Variants in KYNU observed in about 807,000 individuals in gnomAD.
The protein encoded by KYNU is L-kynurenine hydrolase.
In KYNU, 54 loss-of-function variants were observed where a neutral mutation model predicts 59.2. That is an observed-to-expected ratio of 0.91 (90% CI 0.73 to 1.14). The LOEUF is 1.14. Among genes scored for constraint, KYNU ranks in the 50% most tolerant of loss-of-function variants. The probability of loss-of-function intolerance (pLI) is 0.00; values close to 1 mark genes in which losing one functional copy is unlikely to be tolerated. For synonymous variants in KYNU, 177 were observed against 192.0 expected, an observed-to-expected ratio of 0.92 and a Z score of 0.65; for missense variants, 567 against 554.4, an observed-to-expected ratio of 1.02 and a Z score of -0.23.
At chr2:142,981,173 A>T (rs1295347043) in intron 8 of KYNU, among the ~76,000 whole-genome samples, 1 of 152,140 alleles carries the variant, frequency 6.6e-6, no homozygotes, top group African/African-American at 2.4e-5. Flanking sequence ...ATGTGGCCAG[A>T]AGGATTTTCA....
chr2:143,012,211 A>C (rs1686125967), intron 10 of KYNU, among the ~76,000 whole-genome samples: 2 of 152,104 alleles, frequency 1.3e-5, no homozygotes, highest in African/African-American at 4.8e-5. Flanking sequence ...ACCAGGCACG[A>C]TGACTCACGC....
At chr2:143,013,252 T>TTC (rs1169549563) in intron 10 of KYNU, among the ~76,000 whole-genome samples, 5 of 151,370 alleles carry the variant, frequency 3.3e-5, no homozygotes, top group Non-Finnish European at 7.4e-5. Context: ...TAAATAATAT[T>TTC]TCTCTCTCTC....
chr2:142,918,767 T>C (rs1184138086), intron 3 of KYNU, 38 bp downstream of exon 3: 3 of 1,581,612 alleles, frequency 1.9e-6, no homozygotes, highest in South Asian at 2.2e-5. Context: ...CTACATCTCA[T>C]ACAAAAATTT....
chr2:142,880,381 GCTTGT>G (rs1291385314), intron 1 of KYNU, among the ~76,000 whole-genome samples: 1 of 152,194 alleles, frequency 6.6e-6, no homozygotes, highest in Non-Finnish European at 1.5e-5. Flanking sequence ...TGCAAGATGG[GCTTGT>G]CTTGTCACCT....
intron 2 of KYNU, among the ~76,000 whole-genome samples, chr2:142,899,138 C>T (rs989227944): frequency 6.6e-6 from 1 of 151,984 alleles, no homozygotes; most frequent in Non-Finnish European, 1.5e-5. Context: ...CAGCTCAAGC[C>T]GTAACAAACA....
chr2:142,980,168 G>A (rs1467300956), intron 8 of KYNU, among the ~76,000 whole-genome samples: 2 of 149,702 alleles, frequency 1.3e-5, no homozygotes, highest in Non-Finnish European at 3.0e-5. Flanking sequence ...GCACTGGTGG[G>A]AGTGTCTTTT....
At chr2:143,032,711 T>TTTTGTGTGTGTGTGTGTG (rs1553491691) in intron 11 of KYNU, among the ~76,000 whole-genome samples, 2 of 129,370 alleles carry the variant, frequency 1.5e-5, no homozygotes, top group African/African-American at 5.8e-5. Context: ...GCTCCCTCTA[T>TTTTGTGTGTGTGTGTGTG]TGTGTGTGTG....
intron 8 of KYNU, among the ~76,000 whole-genome samples, chr2:142,968,068 T>C (rs1684603641): frequency 6.6e-6 from 1 of 152,220 alleles, no homozygotes; most frequent in Non-Finnish European, 1.5e-5. Flanking sequence ...CTATTGTCAC[T>C]GGCCATTCAC....
chr2:143,047,763 G>A lies in KYNU; in HGVS notation c.*5591G>A, dbSNP rs1687189853. ...TTTTGTAGATTCAGAGTCTTGCTAT[G>A]TTGCCCAGGCTAATCTCAAACTCCT... On this transcript the variant is annotated 3_prime_UTR_variant, in exon 14 of 14. Transcript: ENST00000264170. 6.7e-6 allele frequency: 1 copy of A among 149,256 alleles called. No individual in the cohort carries two copies. Among genetic ancestry groups the A allele is most frequent in the Admixed American group, 6.8e-5 (1 of 14,786 alleles). The allele number at this position is 149,256 out of a possible 1,614,324, so 9.2% of individuals were successfully genotyped here. A position where few individuals can be genotyped will look rare whatever the true frequency, so the allele number is the denominator to read the frequency against.
At chr2:142,906,255 C>G (rs1425232387) in intron 2 of KYNU, among the ~76,000 whole-genome samples, 1 of 152,140 alleles carries the variant, frequency 6.6e-6, no homozygotes, top group African/African-American at 2.4e-5. Context: ...TGTTGTAGAC[C>G]CAGTTCCAGA....
intron 8 of KYNU, among the ~76,000 whole-genome samples, chr2:142,972,285 T>A (rs10928160): frequency 0.11 from 17,266 of 152,170 alleles, 1,071 homozygotes; most frequent in East Asian, 0.21. Context: ...TTGCTTTTCC[T>A]TTCTTCCAAA....
intron 3 of KYNU, among the ~76,000 whole-genome samples, chr2:142,922,177 G>C (rs930170811): frequency 2.0e-5 from 3 of 152,164 alleles, no homozygotes; most frequent in Non-Finnish European, 2.9e-5. Flanking sequence ...ATTGAAAGTA[G>C]TTGCTTAGTT....
At chr2:142,913,317 T>C (rs1682562742) in intron 2 of KYNU, among the ~76,000 whole-genome samples, 1 of 152,224 alleles carries the variant, frequency 6.6e-6, no homozygotes, top group Admixed American at 6.5e-5. Context: ...CTTACTGATG[T>C]AGGTGCTTAG....
At chr2:142,980,296 T>G (rs1685014993) in intron 8 of KYNU, among the ~76,000 whole-genome samples, 1 of 147,334 alleles carries the variant, frequency 6.8e-6, no homozygotes, top group African/African-American at 2.5e-5. Context: ...AGGTCACTCT[T>G]GTCATCATCT....
intron 10 of KYNU, among the ~76,000 whole-genome samples, chr2:143,023,057 T>C (rs1158669394): frequency 6.6e-6 from 1 of 151,940 alleles, no homozygotes; most frequent in Non-Finnish European, 1.5e-5. Flanking sequence ...AGTCTTATTA[T>C]TGATTTATTT....
chr2:142,929,462 A>G (rs1683144131), intron 4 of KYNU, among the ~76,000 whole-genome samples: 1 of 152,124 alleles, frequency 6.6e-6, no homozygotes, highest in African/African-American at 2.4e-5. Context: ...TGACCATGAA[A>G]AGAGCCAAAT....
In KYNU at chr2:143,049,673, A is replaced by G. The variant is rs763179104; in HGVS notation, c.*7501A>G. On this transcript the variant is annotated 3_prime_UTR_variant, in exon 14 of 14. Coordinates refer to ENST00000264170, the MANE Select transcript of KYNU (RefSeq NM_003937.3). ...ATAAAACATAGTCATCCAAATCCCA[A>G]TCTCAAGCACGGTGTCACGGGAACC... 4.6e-5 allele frequency: 7 copies of G among 152,176 alleles called. No individual in the cohort carries two copies. The highest frequency in any genetic ancestry group is 1.3e-4 in the Admixed American group (2 of 15,268). The allele number at this position is 152,176 out of a possible 1,614,324, so 9.4% of individuals were successfully genotyped here.
chr2:142,939,606 A>G (rs1171074722), intron 4 of KYNU, among the ~76,000 whole-genome samples: 1 of 149,086 alleles, frequency 6.7e-6, no homozygotes, highest in Non-Finnish European at 1.5e-5. Flanking sequence ...ATCTCACAAA[A>G]AAAAAAAAAA....
chr2:142,934,030 A>T (rs957011432), intron 4 of KYNU, among the ~76,000 whole-genome samples: 2 of 152,230 alleles, frequency 1.3e-5, no homozygotes, highest in African/African-American at 4.8e-5. Flanking sequence ...TACTAGACAT[A>T]CTGGGAGTAC....
Sources: allele counts gnomAD v4.1 joint callset (sites outside exome capture counted in the v4.1 genomes callset), GRCh38; gene constraint gnomAD v4.1.1; transcripts MANE v1.5; gene names NCBI Gene and HGNC (gene_info 2026-07-23, HGNC 2026-07-21).